SCAF11: variants seen among roughly 807,000 people sequenced by gnomAD.
The protein encoded by SCAF11 is SR-related CTD associated factor 11.
In SCAF11, 47 loss-of-function variants were observed where a neutral mutation model predicts 140.5. The observed-to-expected ratio is 0.33, with a 90% CI of 0.26 to 0.43. The LOEUF (loss-of-function observed/expected upper bound fraction) is 0.43, where lower values mean the gene tolerates loss of function less well. Ranked by LOEUF, SCAF11 falls within the 20% of genes least tolerant of loss-of-function variation. The pLI is 1.00. For missense variants in SCAF11, 1,645 were observed against 1,705.1 expected, an observed-to-expected ratio of 0.96 and a Z score of 0.62; for synonymous variants, 557 against 579.4, an observed-to-expected ratio of 0.96 and a Z score of 0.55.
intron 1 of SCAF11, among the ~76,000 whole-genome samples, chr12:45,978,062 TTTAA>T (rs1488834206): frequency 6.6e-6 from 1 of 152,188 alleles, no homozygotes; most frequent in Non-Finnish European, 1.5e-5. Context: ...CAGTACTTTA[TTTAA>T]GAAAATACAA....
At chr12:45,973,822 A>G (rs932418718) in intron 1 of SCAF11, among the ~76,000 whole-genome samples, 2 of 152,202 alleles carry the variant, frequency 1.3e-5, no homozygotes, top group African/African-American at 4.8e-5. Context: ...ATTCTTTTCC[A>G]GCTCTAAAAA....
chr12:45,928,482 C>T lies in SCAF11; in HGVS notation c.1219G>A (p.Asp407Asn), dbSNP rs1328474764. 1 of 1,613,384 alleles carries T rather than the reference C, an allele frequency of 6.2e-7. No individual in the cohort carries two copies. The change falls in exon 11 of 15, where the codon GAT (aspartate) becomes AAT (asparagine). Residue 407 changes from aspartate to asparagine, a missense_variant. Asp to Asn is a conservative substitution (Grantham distance 23, BLOSUM62 1). Around this residue, in one of 2 missense-constraint regions of SCAF11, gnomAD observed 1,582 missense variants for 1,609.2 expected, o/e 0.98. Coordinates refer to ENST00000369367, the MANE Select transcript of SCAF11 (RefSeq NM_004719.3). ...GTGTCAGATTCTGCTGTTTCTTCAT[C>T]TACTGAATCATTGGAAGATGATTTT... ...PEKSSSNDSV[D>N]EETAESDTSP...
rs1207245283 is a variant in SCAF11 at position 45,989,554 on chromosome 12, G to C, written c.-22+799C>G. On this transcript the variant is annotated intron_variant, in intron 1 of 14. Transcript: ENST00000369367. ...TACTCTAAATCAGGCGTCTACTTTT[G>C]AAACAATACTTCAAAATACGTGTTG... Among the ~76,000 whole-genome samples the C allele has an allele frequency of 2.0e-5, 3 of 152,214 alleles. No individual in the cohort carries two copies. In the East Asian group the frequency reaches 5.8e-4, roughly 29 times the overall value.
intron 7 of SCAF11, 40 bp downstream of exon 7, chr12:45,934,407 T>C (rs1945123954): frequency 6.7e-7 from 1 of 1,503,072 alleles, no homozygotes; most frequent in Non-Finnish European, 9.1e-7. Flanking sequence ...CCCTAAAGTG[T>C]TATCATCTAA....
At position 45,928,807 on chromosome 12, in the gene SCAF11, C is replaced by A. The variant is rs779666756; in HGVS notation, c.894G>T (p.Lys298Asn). 1.2e-6 allele frequency: 2 copies of A among 1,612,322 alleles called. No individual in the cohort carries two copies. The highest frequency in any genetic ancestry group is 2.2e-5 in the South Asian group (2 of 91,038). The change falls in exon 11 of 15, where the codon AAG becomes AAT. Residue 298 changes from lysine to asparagine, a missense_variant. Coordinates refer to ENST00000369367, the MANE Select transcript of SCAF11 (RefSeq NM_004719.3). ...TATTTGATGTACCAGAAGTTTGCTT[C>A]TTTTCTTCCCCTTCTTGAGTATGTG... is the stretch of plus-strand genomic sequence containing the variant. ...ALAHTQEGEE[K>N]KQTSGTSNTR...
rs144145801 is a variant in SCAF11 at position 45,973,295 on chromosome 12, T to C, written c.-21-9107A>G. On this transcript the variant is annotated intron_variant, in intron 1 of 14. Transcript: ENST00000369367. ...GAGAAAAACATTGAAAAAAAAATAT[T>C]AAAGGCTTAGGGACCTGTGAGGCAG... Among the ~76,000 whole-genome samples, 230 of 149,178 alleles carry C rather than the reference T, an allele frequency of 1.5e-3. 1 individual carries two copies. Among genetic ancestry groups the C allele is most frequent in the African/African-American group, 5.2e-3 (212 of 40,488 alleles).
In SCAF11 at chr12:45,960,268, T is replaced by C. The variant is rs1592204788; in HGVS notation, c.219+1432A>G. Among the ~76,000 whole-genome samples, 6 of 152,180 alleles carry C rather than the reference T, an allele frequency of 3.9e-5. No homozygotes were observed. In the South Asian group the frequency reaches 1.0e-3, roughly 26 times the overall value. On this transcript the variant is annotated intron_variant, in intron 3 of 14. Coordinates refer to ENST00000369367, the MANE Select transcript of SCAF11 (RefSeq NM_004719.3). ...CATTATCTACTTATTACATACACATTATAATTTTCTTAGAGCAAAACATAT... is the reference window on the plus strand; with the variant it reads ...CATTATCTACTTATTACATACACATCATAATTTTCTTAGAGCAAAACATAT...
intron 9 of SCAF11, among the ~76,000 whole-genome samples, chr12:45,932,595 C>CT (rs1565664894): frequency 6.6e-6 from 1 of 151,996 alleles, no homozygotes; most frequent in South Asian, 2.1e-4. Flanking sequence ...CAGGCAGCGA[C>CT]CCTAATCTTT....
At chr12:45,963,048 G>A (rs1189424759) in intron 2 of SCAF11, among the ~76,000 whole-genome samples, 1 of 152,164 alleles carries the variant, frequency 6.6e-6, no homozygotes, top group Non-Finnish European at 1.5e-5. Flanking sequence ...AAATACTTGT[G>A]AATTGGAAGA....
chr12:45,949,010 C>T (rs1450695671), intron 4 of SCAF11, among the ~76,000 whole-genome samples: 1 of 152,122 alleles, frequency 6.6e-6, no homozygotes, highest in Non-Finnish European at 1.5e-5. Flanking sequence ...TGTGTTAGGA[C>T]TCGACTGTAA....
At chr12:45,923,899 G>A (rs376773630) in intron 12 of SCAF11, among the ~76,000 whole-genome samples, 1 of 151,824 alleles carries the variant, frequency 6.6e-6, no homozygotes, top group East Asian at 1.9e-4. Context: ...CACCCAGGCT[G>A]GAGTGCAGTG....
chr12:45,922,367 T>C, intron 14 of SCAF11, 96 bp downstream of exon 14: 1 of 1,517,816 alleles, frequency 6.6e-7, no homozygotes, highest in South Asian at 1.2e-5. Context: ...TAGTAGGAGC[T>C]AGCTTTTATT....
At chr12:45,945,227 C>T (rs760177864) in intron 6 of SCAF11, 22 bp downstream of exon 6, 4 of 1,458,456 alleles carry the variant, frequency 2.7e-6, no homozygotes, top group Non-Finnish European at 3.8e-6. Flanking sequence ...AAGGTAGAAT[C>T]CACAAGCAAA....
chr12:45,949,412 A>AT (rs1945499541), intron 4 of SCAF11, among the ~76,000 whole-genome samples: 1 of 152,180 alleles, frequency 6.6e-6, no homozygotes, highest in African/African-American at 2.4e-5. Flanking sequence ...AATACATTAG[A>AT]TATATTGGAT....
chr12:45,937,102 C>T (rs536406418), intron 6 of SCAF11, among the ~76,000 whole-genome samples: 10 of 151,960 alleles, frequency 6.6e-5, no homozygotes, highest in Non-Finnish European at 1.0e-4. Context: ...GACACCTGTG[C>T]TCTACTATTA....
chr12:45,968,669 A>G (rs185848732), intron 1 of SCAF11, among the ~76,000 whole-genome samples: 40 of 152,290 alleles, frequency 2.6e-4, no homozygotes, highest in African/African-American at 8.4e-4. Flanking sequence ...CGCAGGGCAC[A>G]GTGGCTCACA....
intron 1 of SCAF11, among the ~76,000 whole-genome samples, chr12:45,990,104 G>A (rs1017478295): frequency 6.6e-6 from 1 of 150,582 alleles, no homozygotes; most frequent in Non-Finnish European, 1.5e-5. Context: ...GCCCAGGGCC[G>A]GGCCGAGCCT....
chr12:45,957,518 G>A (rs1420693580), intron 3 of SCAF11, among the ~76,000 whole-genome samples: 1 of 152,056 alleles, frequency 6.6e-6, no homozygotes, highest in African/African-American at 2.4e-5. Flanking sequence ...TTCTAGTTTA[G>A]GAGAGAAACC....
chr12:45,921,639 T>G lies in SCAF11; in HGVS notation c.*409A>C, dbSNP rs1944717038. ...TTCTATAATTAGAGGGAAAAAATCA[T>G]AAAGATCATACTTTACATTTTAACC... On this transcript the variant is annotated 3_prime_UTR_variant, in exon 15 of 15. Coordinates refer to ENST00000369367, the MANE Select transcript of SCAF11 (RefSeq NM_004719.3). 1 of 153,612 alleles carries G rather than the reference T, an allele frequency of 6.5e-6. No individual in the cohort carries two copies. The highest frequency in any genetic ancestry group is 2.4e-5 in the African/African-American group (1 of 41,486). The allele number at this position is 153,612 out of a possible 1,614,324, so 9.5% of individuals were successfully genotyped here.
Sources: gnomAD v4.1 joint callset for allele counts (sites outside exome capture counted in the v4.1 genomes callset) on GRCh38, gnomAD v4.1.1 for gene constraint, gnomAD v4.1.1 regional missense constraint, MANE v1.5 for transcripts, NCBI Gene and HGNC (gene_info 2026-07-23, HGNC 2026-07-21) for gene names.